CNTN5: variants seen among roughly 807,000 people sequenced by gnomAD.
The protein encoded by CNTN5 is contactin 5, also known as contactin-5.
A neutral mutation model predicts 129.1 loss-of-function variants in CNTN5; 77 were observed. The observed-to-expected ratio is 0.60, with a 90% CI of 0.50 to 0.72. The LOEUF is 0.72. CNTN5 is among the 30% of genes least tolerant of loss of function. The pLI is 0.00. For missense variants in CNTN5, 1,478 were observed against 1,328.8 expected (o/e 1.11, Z -1.75); for synonymous variants, 509 against 465.6 (o/e 1.09, Z -1.20).
intron 2 of CNTN5, among the ~76,000 whole-genome samples, chr11:99,348,344 A>G (rs1332105569): frequency 6.6e-6 from 1 of 152,204 alleles, no homozygotes; most frequent in South Asian, 2.1e-4. Context: ...GTCCCCCCCA[A>G]AAAAATACAC....
intron 3 of CNTN5, among the ~76,000 whole-genome samples, chr11:99,640,920 C>CT (rs1951748469): frequency 6.6e-6 from 1 of 152,200 alleles, no homozygotes; most frequent in Non-Finnish European, 1.5e-5. Flanking sequence ...GATTTGGTCT[C>CT]TTTTTCATAC....
intron 1 of CNTN5, among the ~76,000 whole-genome samples, chr11:99,046,327 G>A (rs1864205515): frequency 6.6e-6 from 1 of 152,088 alleles, no homozygotes; most frequent in Non-Finnish European, 1.5e-5. Context: ...GTGACACAGC[G>A]AGACCCAGTC....
intron 3 of CNTN5, among the ~76,000 whole-genome samples, chr11:99,802,793 G>C (rs1392057960): frequency 6.6e-6 from 1 of 152,158 alleles, no homozygotes; most frequent in East Asian, 1.9e-4. Flanking sequence ...AAAGAGATGG[G>C]GTGACTCAGG....
At chr11:99,784,402 T>C (rs1945434953) in intron 3 of CNTN5, among the ~76,000 whole-genome samples, 1 of 152,008 alleles carries the variant, frequency 6.6e-6, no homozygotes, top group African/African-American at 2.4e-5. Flanking sequence ...ATGCGGTGTT[T>C]GGTGTATGTT....
intron 1 of CNTN5, among the ~76,000 whole-genome samples, chr11:99,092,703 G>A (rs1412758886): frequency 2.6e-5 from 4 of 151,994 alleles, no homozygotes; most frequent in African/African-American, 9.7e-5. Context: ...GGTAAAAGTT[G>A]TGTATGTTAT....
In CNTN5 at chr11:100,140,540, T is replaced by A. The variant is rs147745111; in HGVS notation, c.1581-50586T>A. Among the ~76,000 whole-genome samples the A allele has an allele frequency of 8.7e-3, 1,315 of 151,868 alleles. 24 individuals carry two copies. The highest frequency in any genetic ancestry group is 0.03 in the African/African-American group (1,235 of 41,402). The stretch of plus-strand genomic sequence containing the variant: ...AAAAGGGTGAACTAGAAGGATGGAG[T>A]TGAAGTTCAAGAGTAGGATATTTGC... On this transcript the variant is annotated intron_variant, in intron 13 of 24. Transcript: ENST00000524871.
At chr11:99,166,067 G>A (rs375540613) in intron 1 of CNTN5, among the ~76,000 whole-genome samples, 19 of 152,034 alleles carry the variant, frequency 1.2e-4, no homozygotes, top group East Asian at 3.9e-4. Flanking sequence ...AAAAATGACC[G>A]CCTGAACTAT....
intron 2 of CNTN5, among the ~76,000 whole-genome samples, chr11:99,504,465 C>T (rs1174062945): frequency 4.2e-5 from 6 of 144,278 alleles, no homozygotes; most frequent in South Asian, 2.2e-4. Flanking sequence ...CGCTTGAACC[C>T]GGGAGGCGGA....
intron 3 of CNTN5, among the ~76,000 whole-genome samples, chr11:99,669,389 T>C (rs1417777838): frequency 1.3e-5 from 2 of 151,928 alleles, no homozygotes; most frequent in Non-Finnish European, 2.9e-5. Context: ...TCAAACTAAA[T>C]AGGAAAGCCT....
intron 13 of CNTN5, among the ~76,000 whole-genome samples, chr11:100,082,007 C>T (rs1944384807): frequency 6.6e-6 from 1 of 152,112 alleles, no homozygotes; most frequent in African/African-American, 2.4e-5. Flanking sequence ...GAGTTTAAAG[C>T]ACAAACACAC....
chr11:99,881,683 G>A (rs1170785809), intron 6 of CNTN5, among the ~76,000 whole-genome samples: 4 of 152,168 alleles, frequency 2.6e-5, no homozygotes, highest in East Asian at 1.9e-4. Flanking sequence ...TAAGTGCTGC[G>A]TATAAACTAA....
intron 8 of CNTN5, among the ~76,000 whole-genome samples, chr11:99,968,078 T>C (rs1366482440): frequency 1.3e-5 from 2 of 152,166 alleles, no homozygotes; most frequent in South Asian, 2.1e-4. Context: ...AAATTCACCA[T>C]GTACACAACC....
chr11:99,920,760 T>C (rs1949917583), intron 7 of CNTN5, among the ~76,000 whole-genome samples: 1 of 152,090 alleles, frequency 6.6e-6, no homozygotes. Context: ...TACACTAATC[T>C]CATTCATGAG....
At chr11:100,175,400 C>T (rs903930944) in intron 13 of CNTN5, among the ~76,000 whole-genome samples, 2 of 151,938 alleles carry the variant, frequency 1.3e-5, no homozygotes, top group Non-Finnish European at 2.9e-5. Flanking sequence ...TAAATGTTAT[C>T]GAAGTAAATT....
chr11:99,913,766 T>C (rs943073213), intron 6 of CNTN5, among the ~76,000 whole-genome samples: 8 of 152,216 alleles, frequency 5.3e-5, no homozygotes, highest in Non-Finnish European at 1.2e-4. Flanking sequence ...ATCTTGTAAA[T>C]ACAATAGGTT....
At chr11:99,829,374 G>A (rs1947066739) in intron 4 of CNTN5, among the ~76,000 whole-genome samples, 2 of 152,164 alleles carry the variant, frequency 1.3e-5, no homozygotes, top group Admixed American at 1.3e-4. Flanking sequence ...CACATCACAT[G>A]TTATACTTTG....
At chr11:99,431,116 G>A (rs113377326) in intron 2 of CNTN5, among the ~76,000 whole-genome samples, 15 of 151,926 alleles carry the variant, frequency 9.9e-5, no homozygotes, top group African/African-American at 2.2e-4. Flanking sequence ...GTCAGGTAGA[G>A]TTGGTCAAAT....
At chr11:99,896,388 A>G (rs1290299784) in intron 6 of CNTN5, among the ~76,000 whole-genome samples, 1 of 152,116 alleles carries the variant, frequency 6.6e-6, no homozygotes, top group Non-Finnish European at 1.5e-5. Flanking sequence ...GTCTCTGCAC[A>G]TGCTGCTCCC....
chr11:100,256,644 T>C (rs951636392), intron 17 of CNTN5, among the ~76,000 whole-genome samples: 2 of 152,092 alleles, frequency 1.3e-5, no homozygotes, highest in Middle Eastern at 3.4e-3. Context: ...GTGCAGCCCA[T>C]GGAGGGCAAG....
Sources: allele counts gnomAD v4.1 joint callset (sites outside exome capture counted in the v4.1 genomes callset), GRCh38; gene constraint gnomAD v4.1.1; transcripts MANE v1.5; gene names NCBI Gene and HGNC (gene_info 2026-07-23, HGNC 2026-07-21).